EDNRB: variants seen among roughly 807,000 people sequenced by gnomAD.
EDNRB encodes endothelin receptor type B, also known as Hirschsprung disease 2.
Under a neutral mutation model 46.4 loss-of-function variants are expected in EDNRB, and 18 were observed. The ratio of observed to expected loss-of-function variants is 0.39; its 90% CI spans 0.27 to 0.57. The LOEUF is 0.57. EDNRB is among the 20% of genes least tolerant of loss of function. The pLI, the probability that EDNRB is intolerant of heterozygous loss-of-function variation, is 0.61. For missense variants in EDNRB, 434 were observed against 537.5 expected (o/e 0.81, Z 1.90); for synonymous variants, 213 against 204.9 (o/e 1.04, Z -0.34).
intron 1 of EDNRB, among the ~76,000 whole-genome samples, chr13:77,927,229 A>G (rs1358417374): frequency 6.6e-6 from 1 of 152,166 alleles, no homozygotes; most frequent in African/African-American, 2.4e-5. Context: ...TCACTGTGGG[A>G]TCATTGAGCC....
At chr13:77,942,113 T>A (rs867173408) in intron 1 of EDNRB, among the ~76,000 whole-genome samples, 3 of 152,174 alleles carry the variant, frequency 2.0e-5, no homozygotes, top group Middle Eastern at 3.2e-3. Flanking sequence ...AGCTATTGAA[T>A]CTTTGTGCCT....
At chr13:77,965,000 C>G (rs1398009144) in intron 1 of EDNRB, among the ~76,000 whole-genome samples, 1 of 152,066 alleles carries the variant, frequency 6.6e-6, no homozygotes, top group Non-Finnish European at 1.5e-5. Context: ...AAGTAAGTAC[C>G]ATTAGTTATG....
intron 1 of EDNRB, among the ~76,000 whole-genome samples, chr13:77,914,005 G>C (rs1480791550): frequency 6.6e-6 from 1 of 152,182 alleles, no homozygotes; most frequent in Non-Finnish European, 1.5e-5. Context: ...ATTAAGCATG[G>C]TGGCCCATAT....
At chr13:77,965,795 G>T (rs772570155) in intron 1 of EDNRB, among the ~76,000 whole-genome samples, 7 of 152,080 alleles carry the variant, frequency 4.6e-5, no homozygotes, top group Non-Finnish European at 1.0e-4. Context: ...TTGAAAAGGG[G>T]TTCTTAAAAT....
chr13:77,942,346 G>T (rs113416266), intron 1 of EDNRB, among the ~76,000 whole-genome samples: 47 of 152,200 alleles, frequency 3.1e-4, no homozygotes, highest in African/African-American at 9.9e-4. Flanking sequence ...TCACAACAAC[G>T]CTGAAAGATG....
At chr13:77,973,503 C>T (rs1424433158) in intron 1 of EDNRB, among the ~76,000 whole-genome samples, 1 of 151,936 alleles carries the variant, frequency 6.6e-6, no homozygotes, top group Non-Finnish European at 1.5e-5. Context: ...TGGATGATAC[C>T]TCTTTAACTT....
intron 1 of EDNRB, among the ~76,000 whole-genome samples, chr13:77,917,180 A>G (rs1879851732): frequency 1.3e-5 from 2 of 152,130 alleles, no homozygotes; most frequent in South Asian, 4.2e-4. Context: ...TGCACTTTGG[A>G]ACCTGACAGA....
intron 1 of EDNRB, among the ~76,000 whole-genome samples, chr13:77,910,765 G>A (rs566705339): frequency 3.2e-4 from 49 of 151,902 alleles, no homozygotes; most frequent in Non-Finnish European, 6.2e-4. Flanking sequence ...GCAAGGCAGC[G>A]GTTCTGTCCA....
At position 77,896,526 on chromosome 13, in the gene EDNRB, C is replaced by T. The variant is rs941247743; in HGVS notation, c.*1674G>A. ...CACATTCAATATTGACAGAAAACAA[C>T]ATTACTAGCTTATTTCCAACATGTG... On this transcript the variant is annotated 3_prime_UTR_variant, in exon 7 of 7. Transcript: ENST00000646607. 2 of 1,575,078 alleles carry T rather than the reference C, an allele frequency of 1.3e-6. No individual in the cohort carries two copies. Among genetic ancestry groups the T allele is most frequent in the Admixed American group, 1.8e-5 (1 of 55,686 alleles).
intron 1 of EDNRB, among the ~76,000 whole-genome samples, chr13:77,917,470 T>C (rs1341356942): frequency 6.6e-6 from 1 of 152,206 alleles, no homozygotes; most frequent in Non-Finnish European, 1.5e-5. Context: ...TTCAAAGTCT[T>C]CCAAAACAGT....
At chr13:77,970,539 CA>C (rs1179999194) in intron 1 of EDNRB, among the ~76,000 whole-genome samples, 2 of 152,090 alleles carry the variant, frequency 1.3e-5, no homozygotes, top group African/African-American at 4.8e-5. Context: ...GCATAAGTAG[CA>C]GGCCTATAAT....
rs199926391 is a variant in EDNRB at position 77,897,307 on chromosome 13, A to T, written c.*893T>A. 2 of 985,112 alleles carry T rather than the reference A, an allele frequency of 2.0e-6. No homozygotes were observed. Among genetic ancestry groups the T allele is most frequent in the African/African-American group, 1.7e-5 (1 of 57,216 alleles). 61.0% of individuals were successfully genotyped at this position (985,112 alleles called of 1,614,324 possible). A position where few individuals can be genotyped will look rare whatever the true frequency, so the allele number is the denominator to read the frequency against. On this transcript the variant is annotated 3_prime_UTR_variant, in exon 7 of 7. Coordinates refer to ENST00000646607, the MANE Select transcript of EDNRB (RefSeq NM_001122659.3). ...ACAGAGTTTAAGCTACGATAGTGAA[A>T]GAAGAAGATTTTAATAATCCTGAAA...
In EDNRB at chr13:77,935,073, G is replaced by A. The variant is rs189766790; in HGVS notation, c.-51-16449C>T. 4.6e-5 allele frequency among the ~76,000 whole-genome samples: 7 copies of A among 151,806 alleles called. No individual in the cohort carries two copies. The East Asian group carries it at 5.9e-4, about 13-fold the overall frequency. On this transcript the variant is annotated intron_variant, in intron 1 of 7. Transcript: ENST00000646948. ...AAGAGTGAGTACAGCTGAAGGAGCC[G>A]GGGAGCAGAAAGTATATGTGTCAGG...
intron 1 of EDNRB, among the ~76,000 whole-genome samples, chr13:77,964,478 GA>G (rs1475757099): frequency 2.3e-4 from 35 of 152,262 alleles, no homozygotes; most frequent in Non-Finnish European, 4.0e-4. Flanking sequence ...GTCCTTTGTT[GA>G]GACATGGATG....
rs577376954 is a variant in EDNRB, at chr13:77,896,567, A to T, written c.*1633T>A. 3 of 1,550,066 alleles carry T rather than the reference A, an allele frequency of 1.9e-6. No individual in the cohort carries two copies. The South Asian group carries it at 3.6e-5, about 18-fold the overall frequency. On this transcript the variant is annotated 3_prime_UTR_variant, in exon 7 of 7. Coordinates refer to ENST00000646607, the MANE Select transcript of EDNRB (RefSeq NM_001122659.3). ...CCAACATGTGGCCCAGCCTATTAAAAGAAAAACAAAGTAAAAATTTGGGCA... is the reference window on the plus strand; with the variant it reads ...CCAACATGTGGCCCAGCCTATTAAATGAAAAACAAAGTAAAAATTTGGGCA...
intron 1 of EDNRB, among the ~76,000 whole-genome samples, chr13:77,909,098 A>G (rs1394995538): frequency 6.6e-6 from 1 of 152,004 alleles, no homozygotes; most frequent in Non-Finnish European, 1.5e-5. Context: ...TTTCTTTTGG[A>G]TGATAAACAC....
intron 1 of EDNRB, among the ~76,000 whole-genome samples, chr13:77,968,146 A>G (rs1445668209): frequency 6.6e-6 from 1 of 152,086 alleles, no homozygotes; most frequent in Non-Finnish European, 1.5e-5. Flanking sequence ...ATTTTCTCCC[A>G]TATATTTACA....
chr13:77,897,781 A>C lies in EDNRB; in HGVS notation c.*419T>G. 1.0e-6 allele frequency: 1 copy of C among 987,666 alleles called. No individual in the cohort carries two copies. Among genetic ancestry groups the C allele is most frequent in the Non-Finnish European group, 1.2e-6 (1 of 829,656 alleles). The allele number at this position is 987,666 out of a possible 1,614,324, so 61.2% of individuals were successfully genotyped here. A position where few individuals can be genotyped will look rare whatever the true frequency, so the allele number is the denominator to read the frequency against. ...TTAAAATTTTAAATTGAGTAATTTAAGCTTCATTTAAAAGTTCTGTTTTAC... is the reference window on the plus strand; with the variant it reads ...TTAAAATTTTAAATTGAGTAATTTACGCTTCATTTAAAAGTTCTGTTTTAC... On this transcript the variant is annotated 3_prime_UTR_variant, in exon 7 of 7. Transcript: ENST00000646607.
intron 1 of EDNRB, among the ~76,000 whole-genome samples, chr13:77,914,644 A>G (rs1297199474): frequency 2.6e-5 from 4 of 152,314 alleles, no homozygotes; most frequent in South Asian, 2.1e-4. Flanking sequence ...TCAACACAGG[A>G]TTTCACCCAC....
Sources: gnomAD v4.1 joint callset for allele counts (sites outside exome capture counted in the v4.1 genomes callset) on GRCh38, gnomAD v4.1.1 for gene constraint, MANE v1.5 for transcripts, NCBI Gene and HGNC (gene_info 2026-07-23, HGNC 2026-07-21) for gene names.